The following CCDC85A variants were observed in gnomAD, a reference collection of about 807,000 sequenced individuals.
The protein encoded by CCDC85A is coiled-coil domain-containing protein 85A.
Under a neutral mutation model 50.2 loss-of-function variants are expected in CCDC85A, and 38 were observed. The observed-to-expected ratio is 0.76, with a 90% CI of 0.58 to 0.99. CCDC85A has a LOEUF of 0.99. Among genes scored for constraint, CCDC85A ranks in the 50% least tolerant of loss-of-function variants. CCDC85A has a pLI of 0.00. For missense variants in CCDC85A, 820 were observed against 742.0 expected, an observed-to-expected ratio of 1.11 and a Z score of -1.22; for synonymous variants, 366 against 301.4, an observed-to-expected ratio of 1.21 and a Z score of -2.22.
At chr2:56,295,939 T>A (rs1327331818) in intron 2 of CCDC85A, among the ~76,000 whole-genome samples, 3 of 152,180 alleles carry the variant, frequency 2.0e-5, no homozygotes, top group African/African-American at 7.2e-5. Flanking sequence ...GCTGACAGGT[T>A]TTTCTACGAC....
At chr2:56,337,679 T>A (rs961887211) in intron 2 of CCDC85A, among the ~76,000 whole-genome samples, 3 of 152,200 alleles carry the variant, frequency 2.0e-5, no homozygotes, top group Admixed American at 6.5e-5. Flanking sequence ...TTTTTTTCTT[T>A]GCTCCCCTTT....
chr2:56,370,369 A>C, intron 3 of CCDC85A, among the ~76,000 whole-genome samples: 1 of 152,122 alleles, frequency 6.6e-6, no homozygotes, highest in African/African-American at 2.4e-5. Context: ...GTTAATGATG[A>C]TGGCTGGCCC....
At chr2:56,242,179 A>C (rs1669289979) in intron 2 of CCDC85A, among the ~76,000 whole-genome samples, 1 of 152,106 alleles carries the variant, frequency 6.6e-6, no homozygotes, top group Admixed American at 6.6e-5. Context: ...CTGGATTATT[A>C]CATTTTTTCC....
intron 2 of CCDC85A, among the ~76,000 whole-genome samples, chr2:56,288,525 G>C (rs1332142203): frequency 1.3e-5 from 2 of 152,066 alleles, no homozygotes; most frequent in Admixed American, 6.6e-5. Context: ...TAGCCTCAAA[G>C]AGTGTGTCTA....
At chr2:56,344,609 A>G (rs886177739) in intron 3 of CCDC85A, among the ~76,000 whole-genome samples, 1 of 152,168 alleles carries the variant, frequency 6.6e-6, no homozygotes, top group African/African-American at 2.4e-5. Context: ...GAAATAAAAT[A>G]CTACTGGTGG....
intron 2 of CCDC85A, among the ~76,000 whole-genome samples, chr2:56,224,013 T>C (rs933559858): frequency 9.2e-5 from 14 of 152,220 alleles, no homozygotes; most frequent in Admixed American, 3.3e-4. Context: ...CAATGGCTTT[T>C]AGTGTATATT....
intron 2 of CCDC85A, among the ~76,000 whole-genome samples, chr2:56,327,146 C>A (rs903867752): frequency 2.6e-5 from 4 of 152,064 alleles, no homozygotes; most frequent in Non-Finnish European, 5.9e-5. Flanking sequence ...AGAATTGCAA[C>A]GTAATATACA....
At chr2:56,380,567 A>G (rs1335408504) in intron 5 of CCDC85A, among the ~76,000 whole-genome samples, 1 of 151,946 alleles carries the variant, frequency 6.6e-6, no homozygotes, top group East Asian at 1.9e-4. Flanking sequence ...CTCAAAAAAA[A>G]AAACAACAAC....
intron 2 of CCDC85A, among the ~76,000 whole-genome samples, chr2:56,223,196 T>C (rs947674082): frequency 6.6e-6 from 1 of 152,162 alleles, no homozygotes; most frequent in African/African-American, 2.4e-5. Context: ...TTTGGATGCA[T>C]AAATTTTTAT....
chr2:56,332,718 A>T (rs975531447), intron 2 of CCDC85A, among the ~76,000 whole-genome samples: 29 of 114,234 alleles, frequency 2.5e-4, no homozygotes, highest in African/African-American at 9.6e-4. Flanking sequence ...TCCCTGCTCT[A>T]CCTTTTTGAG....
intron 2 of CCDC85A, among the ~76,000 whole-genome samples, chr2:56,301,419 A>G (rs1672196576): frequency 6.6e-6 from 1 of 152,180 alleles, no homozygotes; most frequent in Non-Finnish European, 1.5e-5. Flanking sequence ...TATTTTGGCC[A>G]CTTGTTCTCA....
At chr2:56,236,044 T>C (rs1170576788) in intron 2 of CCDC85A, among the ~76,000 whole-genome samples, 1 of 152,180 alleles carries the variant, frequency 6.6e-6, no homozygotes, top group Non-Finnish European at 1.5e-5. Context: ...TTCAGTTTGG[T>C]TGGGGTTCAA....
intron 2 of CCDC85A, among the ~76,000 whole-genome samples, chr2:56,323,077 A>C (rs1484319583): frequency 2.6e-5 from 4 of 152,128 alleles, no homozygotes; most frequent in African/African-American, 7.2e-5. Context: ...TCTCACTCAT[A>C]GGTGGGAATC....
At chr2:56,256,692 T>C (rs537774372) in intron 2 of CCDC85A, among the ~76,000 whole-genome samples, 204 of 152,306 alleles carry the variant, frequency 1.3e-3, no homozygotes, top group Non-Finnish European at 2.4e-3. Flanking sequence ...TGGATTTGAC[T>C]CCCTTGCCCA....
At chr2:56,312,311 AC>A (rs1254861476) in intron 2 of CCDC85A, among the ~76,000 whole-genome samples, 3 of 152,072 alleles carry the variant, frequency 2.0e-5, no homozygotes, top group Non-Finnish European at 4.4e-5. Flanking sequence ...AATTTCGTGG[AC>A]TGTGTTGGAA....
At chr2:56,239,308 G>T (rs892529711) in intron 2 of CCDC85A, among the ~76,000 whole-genome samples, 6 of 152,020 alleles carry the variant, frequency 3.9e-5, no homozygotes, top group African/African-American at 1.4e-4. Flanking sequence ...GCAGGAAAGA[G>T]ACACCTCTGG....
chr2:56,215,154 C>A (rs1373688024), intron 2 of CCDC85A, among the ~76,000 whole-genome samples: 1 of 151,854 alleles, frequency 6.6e-6, no homozygotes, highest in Non-Finnish European at 1.5e-5. Context: ...CTTTTTCTTA[C>A]ATTTCAAATT....
intron 3 of CCDC85A, among the ~76,000 whole-genome samples, chr2:56,352,029 A>G (rs553679758): frequency 5.8e-4 from 89 of 152,270 alleles, no homozygotes; most frequent in African/African-American, 2.0e-3. Context: ...TAATTTTTGT[A>G]TAAGGTGTAA....
At chr2:56,315,581 G>A (rs1385185708) in intron 2 of CCDC85A, among the ~76,000 whole-genome samples, 1 of 152,106 alleles carries the variant, frequency 6.6e-6, no homozygotes, top group African/African-American at 2.4e-5. Flanking sequence ...CAATTAGAAT[G>A]GGATTCAGTG....
Sources: allele counts gnomAD v4.1 joint callset (sites outside exome capture counted in the v4.1 genomes callset), GRCh38; gene constraint gnomAD v4.1.1; transcripts MANE v1.5; gene names NCBI Gene and HGNC (gene_info 2026-07-23, HGNC 2026-07-21).